FCHSD2: variants seen among roughly 807,000 people sequenced by gnomAD.
FCHSD2 encodes the protein FCH and double SH3 domains 2, also known as F-BAR and double SH3 domains protein 2.
A neutral mutation model predicts 108.1 loss-of-function variants in FCHSD2; 38 were observed. The observed-to-expected ratio is 0.35, with a 90% CI of 0.27 to 0.46. The LOEUF is 0.46. Ranked by LOEUF, FCHSD2 falls within the 20% of genes least tolerant of loss-of-function variation. The pLI, the probability that FCHSD2 is intolerant of heterozygous loss-of-function variation, is 1.00. For synonymous variants in FCHSD2, 279 were observed against 314.7 expected, an observed-to-expected ratio of 0.89 and a Z score of 1.20; for missense variants, 751 against 897.8, an observed-to-expected ratio of 0.84 and a Z score of 2.09.
rs58159831 is a variant in FCHSD2, at chr11:72,896,764, T to TAAAAA, written c.924+5774_924+5778dup. On this transcript the variant is annotated intron_variant, in intron 10 of 19. Coordinates refer to ENST00000409418, the MANE Select transcript of FCHSD2 (RefSeq NM_014824.3). ...CCTGTAGCAATTAGGGGGAAAATAC[T>TAAAAA]AAAAAAAAAAAAAAAAAAAAAAAAA... 3.6e-3 allele frequency among the ~76,000 whole-genome samples: 248 copies of TAAAAA among 68,348 alleles called. 2 individuals carry two copies. The highest frequency in any genetic ancestry group is 5.2e-3 in the African/African-American group (92 of 17,848). The allele number at this position is 68,348 out of a possible 152,430, so 44.8% of individuals were successfully genotyped here.
intron 9 of FCHSD2, among the ~76,000 whole-genome samples, chr11:72,914,585 C>T (rs1855832969): frequency 6.6e-6 from 1 of 152,092 alleles, no homozygotes; most frequent in Non-Finnish European, 1.5e-5. Flanking sequence ...TAAGACCGCA[C>T]ACCTAAAACC....
At chr11:73,035,432 G>C (rs1278003264) in intron 3 of FCHSD2, among the ~76,000 whole-genome samples, 1 of 151,974 alleles carries the variant, frequency 6.6e-6, no homozygotes, top group Non-Finnish European at 1.5e-5. Flanking sequence ...GCCTCCCGAA[G>C]TGCTGGGATT....
intron 3 of FCHSD2, among the ~76,000 whole-genome samples, chr11:73,055,856 G>A (rs1591518418): frequency 6.6e-6 from 1 of 152,286 alleles, no homozygotes; most frequent in East Asian, 1.9e-4. Flanking sequence ...TTCAGGGGCT[G>A]TGGGAGGAGA....
At chr11:72,940,788 C>A in intron 8 of FCHSD2, 1 of 845,934 alleles carries the variant, frequency 1.2e-6, no homozygotes, top group South Asian at 1.3e-5. Context: ...TTGCCTGAAG[C>A]CTTCAGTGCG....
chr11:72,921,006 C>A (rs1855966749), intron 9 of FCHSD2, among the ~76,000 whole-genome samples: 1 of 151,924 alleles, frequency 6.6e-6, no homozygotes, highest in Admixed American at 6.6e-5. Context: ...TCTTTGGACA[C>A]TGTCATGTGA....
chr11:73,118,987 A>ATT (rs1413951252), intron 2 of FCHSD2, among the ~76,000 whole-genome samples: 5 of 152,188 alleles, frequency 3.3e-5, no homozygotes, highest in Admixed American at 1.3e-4. Context: ...TAAATAATTA[A>ATT]TTTTTGTTTG....
intron 5 of FCHSD2, among the ~76,000 whole-genome samples, chr11:72,999,444 C>G (rs192430829): frequency 1.1e-3 from 164 of 151,768 alleles, no homozygotes; most frequent in Non-Finnish European, 2.0e-3. Flanking sequence ...CTCAGCCTCC[C>G]GAGTAGCTGG....
intron 4 of FCHSD2, among the ~76,000 whole-genome samples, chr11:73,002,097 T>C (rs1831695189): frequency 6.6e-6 from 1 of 152,202 alleles, no homozygotes; most frequent in South Asian, 2.1e-4. Context: ...CCATATCGAT[T>C]TTCAACCACA....
chr11:73,069,580 C>T (rs1389385699), intron 3 of FCHSD2, among the ~76,000 whole-genome samples: 3 of 151,934 alleles, frequency 2.0e-5, no homozygotes, highest in Non-Finnish European at 2.9e-5. Context: ...GTTGGAAGTT[C>T]AAACTGGTTA....
intron 8 of FCHSD2, among the ~76,000 whole-genome samples, chr11:72,965,474 C>G (rs572939568): frequency 6.6e-6 from 1 of 152,292 alleles, no homozygotes; most frequent in African/African-American, 2.4e-5. Context: ...TTCTATAAAG[C>G]CTTTTGTGAC....
At chr11:72,865,433 A>G (rs1854699878) in intron 13 of FCHSD2, among the ~76,000 whole-genome samples, 1 of 152,192 alleles carries the variant, frequency 6.6e-6, no homozygotes. Context: ...ATGAGGGGGA[A>G]GAAAAACGTC....
At chr11:72,888,572 T>C (rs1280219646) in intron 11 of FCHSD2, among the ~76,000 whole-genome samples, 2 of 152,126 alleles carry the variant, frequency 1.3e-5, no homozygotes, top group Non-Finnish European at 2.9e-5. Context: ...AAATAATTTC[T>C]TTGTGCTTAG....
chr11:73,058,209 T>C (rs1859076571), intron 3 of FCHSD2, among the ~76,000 whole-genome samples: 1 of 152,136 alleles, frequency 6.6e-6, no homozygotes. Context: ...TATTGGACCA[T>C]TATTGTTTTA....
chr11:73,082,545 T>G (rs1318188712), intron 3 of FCHSD2, among the ~76,000 whole-genome samples: 2 of 151,902 alleles, frequency 1.3e-5, no homozygotes, highest in African/African-American at 2.4e-5. Context: ...GGCAAACAGC[T>G]ACAAAATTAA....
intron 2 of FCHSD2, among the ~76,000 whole-genome samples, chr11:73,136,314 TGG>T (rs1861119226): frequency 6.6e-6 from 1 of 152,166 alleles, no homozygotes; most frequent in African/African-American, 2.4e-5. Context: ...TTTCTCAAGC[TGG>T]GCACAGTGGC....
intron 1 of FCHSD2, among the ~76,000 whole-genome samples, chr11:73,140,812 C>T (rs1196883765): frequency 6.6e-6 from 1 of 152,246 alleles, no homozygotes; most frequent in East Asian, 1.9e-4. Flanking sequence ...GGCCAGAGAG[C>T]CTCGCCCGCC....
intron 3 of FCHSD2, among the ~76,000 whole-genome samples, chr11:73,068,168 G>C (rs1859340712): frequency 6.6e-6 from 1 of 151,998 alleles, no homozygotes; most frequent in Non-Finnish European, 1.5e-5. Flanking sequence ...GATGAGATTT[G>C]GGTGGGGGCA....
chr11:73,025,487 T>TG (rs1858206326), intron 3 of FCHSD2, among the ~76,000 whole-genome samples: 1 of 151,982 alleles, frequency 6.6e-6, no homozygotes, highest in Non-Finnish European at 1.5e-5. Context: ...TGAGGCCTTT[T>TG]GGAGGGTGGA....
intron 4 of FCHSD2, among the ~76,000 whole-genome samples, chr11:73,007,838 T>C (rs1458832458): frequency 6.6e-6 from 1 of 152,210 alleles, no homozygotes; most frequent in East Asian, 1.9e-4. Flanking sequence ...TTGGTTGTGA[T>C]ATTGTACTAC....
Sources: gnomAD v4.1 joint callset for allele counts (sites outside exome capture counted in the v4.1 genomes callset) on GRCh38, gnomAD v4.1.1 for gene constraint, MANE v1.5 for transcripts, NCBI Gene and HGNC (gene_info 2026-07-23, HGNC 2026-07-21) for gene names.